The following RIMS1 variants were observed in gnomAD, a reference collection of about 807,000 sequenced individuals.
RIMS1 encodes regulating synaptic membrane exocytosis protein 1.
A neutral mutation model predicts 214.1 loss-of-function variants in RIMS1; 83 were observed. The observed-to-expected ratio is 0.39, with a 90% CI of 0.32 to 0.47. RIMS1 has a LOEUF of 0.47. RIMS1 is among the 20% of genes least tolerant of loss of function. The pLI, the probability that RIMS1 is intolerant of heterozygous loss-of-function variation, is 0.99. For synonymous variants in RIMS1, 793 were observed against 786.8 expected, an observed-to-expected ratio of 1.01 and a Z score of -0.13; for missense variants, 2,050 against 2,161.8, an observed-to-expected ratio of 0.95 and a Z score of 1.03.
intron 1 of RIMS1, among the ~76,000 whole-genome samples, chr6:71,896,007 T>C (rs570852758): frequency 8.5e-5 from 13 of 152,318 alleles, no homozygotes; most frequent in Non-Finnish European, 1.3e-4. Context: ...TATCTCTGTA[T>C]TGCAATATAT....
chr6:72,275,166 A>G (rs1173658619), intron 23 of RIMS1, among the ~76,000 whole-genome samples: 3 of 20,512 alleles, frequency 1.5e-4, no homozygotes, highest in African/African-American at 1.9e-4. Context: ...ATATATATAT[A>G]TATATATATA....
intron 4 of RIMS1, among the ~76,000 whole-genome samples, chr6:72,126,408 G>A (rs1350635624): frequency 6.6e-6 from 1 of 152,000 alleles, no homozygotes; most frequent in African/African-American, 2.4e-5. Flanking sequence ...AACAAAAACA[G>A]TAATGAATAA....
chr6:71,890,596 A>AAAAAAAAAAAAAAAAAAAAAAC (rs1554194854), intron 1 of RIMS1, among the ~76,000 whole-genome samples: 1 of 112,950 alleles, frequency 8.9e-6, no homozygotes, highest in Non-Finnish European at 1.8e-5. Flanking sequence ...AAAAAAAAAA[A>AAAAAAAAAAAAAAAAAAAAAAC]ACTTCATAGA....
chr6:72,099,710 TCTAA>T (rs2033054725), intron 3 of RIMS1, among the ~76,000 whole-genome samples: 1 of 152,130 alleles, frequency 6.6e-6, no homozygotes, highest in African/African-American at 2.4e-5. Flanking sequence ...TAATCCAAGT[TCTAA>T]AATATTAGGA....
intron 26 of RIMS1, among the ~76,000 whole-genome samples, chr6:72,292,671 A>G (rs1592252341): frequency 6.6e-6 from 1 of 152,136 alleles, no homozygotes; most frequent in African/African-American, 2.4e-5. Context: ...CCTGAGCTAG[A>G]TGATTTAGAC....
chr6:72,087,922 A>C (rs1835086278), intron 2 of RIMS1, among the ~76,000 whole-genome samples: 2 of 152,208 alleles, frequency 1.3e-5, no homozygotes, highest in African/African-American at 4.8e-5. Flanking sequence ...AGAATTGTGT[A>C]AGCTGAACCA....
chr6:71,989,836 T>C (rs963185147), intron 2 of RIMS1, among the ~76,000 whole-genome samples: 3 of 152,220 alleles, frequency 2.0e-5, no homozygotes, highest in Non-Finnish European at 2.9e-5. Flanking sequence ...GTCTTTGCTG[T>C]GTCCTGCATG....
chr6:72,163,780 T>G (rs185062007), intron 4 of RIMS1, among the ~76,000 whole-genome samples: 53 of 76,874 alleles, frequency 6.9e-4, no homozygotes, highest in Middle Eastern at 6.0e-3. Context: ...ATGTGAGGTG[T>G]CAATCTGCCC....
chr6:72,170,054 C>G (rs1352122641), intron 4 of RIMS1, among the ~76,000 whole-genome samples: 1 of 152,206 alleles, frequency 6.6e-6, no homozygotes, highest in Non-Finnish European at 1.5e-5. Flanking sequence ...ATATCTTATA[C>G]GACCTGAACC....
chr6:71,887,908 C>A (rs1768320876), intron 1 of RIMS1, among the ~76,000 whole-genome samples: 1 of 152,160 alleles, frequency 6.6e-6, no homozygotes, highest in South Asian at 2.1e-4. Context: ...GGGACTCTGG[C>A]CTGAATAACA....
chr6:72,200,802 G>C (rs1185720861), intron 6 of RIMS1, among the ~76,000 whole-genome samples: 1 of 151,460 alleles, frequency 6.6e-6, no homozygotes, highest in African/African-American at 2.4e-5. Flanking sequence ...GTGGACATTA[G>C]CCGTTTTAAT....
chr6:72,161,073 T>A lies in RIMS1; in HGVS notation c.472-18502T>A, dbSNP rs530347894. Among the ~76,000 whole-genome samples, 12 of 140,420 alleles carry A rather than the reference T, an allele frequency of 8.5e-5. 2 individuals are homozygous for A. The highest frequency in any genetic ancestry group is 2.4e-4 in the South Asian group (1 of 4,236). 92.1% of individuals were successfully genotyped at this position (140,420 alleles called of 152,430 possible). A position where few individuals can be genotyped will look rare whatever the true frequency, so the allele number is the denominator to read the frequency against. On this transcript the variant is annotated intron_variant, in intron 4 of 33. Coordinates refer to ENST00000521978, the MANE Select transcript of RIMS1 (RefSeq NM_014989.7). ...TTGCCTCAATTTCAGAAGCTGTTAT[T>A]GGTCTATTAAGAGATTCCACTTCTT... is the stretch of plus-strand genomic sequence containing the variant.
intron 29 of RIMS1, among the ~76,000 whole-genome samples, chr6:72,363,463 G>A (rs146815492): frequency 9.0e-4 from 137 of 152,234 alleles, no homozygotes; most frequent in Middle Eastern, 3.4e-3. Context: ...TTTCCTGTTT[G>A]GAGAATGGGG....
chr6:72,172,871 T>C (rs2153956867), intron 4 of RIMS1, among the ~76,000 whole-genome samples: 1 of 152,336 alleles, frequency 6.6e-6, no homozygotes, highest in African/African-American at 2.4e-5. Flanking sequence ...ATCCTCATTC[T>C]AGAGTCTCCA....
intron 2 of RIMS1, among the ~76,000 whole-genome samples, chr6:72,015,989 A>G (rs1812621194): frequency 6.6e-6 from 1 of 152,124 alleles, no homozygotes; most frequent in Admixed American, 6.6e-5. Context: ...AGAAAGTTCT[A>G]TTTTAGTTTA....
intron 22 of RIMS1, 34 bp from the exon 23 acceptor site, chr6:72,274,310 ATGTCC>A (rs1426282162): frequency 7.0e-7 from 1 of 1,422,456 alleles, no homozygotes; most frequent in Non-Finnish European, 9.9e-7. Context: ...GAGTTACTAA[ATGTCC>A]TGTTTTTTCC....
intron 29 of RIMS1, among the ~76,000 whole-genome samples, chr6:72,367,089 A>T (rs1386637349): frequency 1.3e-5 from 2 of 152,234 alleles, no homozygotes; most frequent in Admixed American, 1.3e-4. Context: ...TTAAAAAATG[A>T]TGTTGCAACA....
chr6:72,289,817 G>A (rs528509427), intron 24 of RIMS1, among the ~76,000 whole-genome samples: 1 of 151,840 alleles, frequency 6.6e-6, no homozygotes, highest in South Asian at 2.1e-4. Flanking sequence ...TATTCTTTCT[G>A]TCAAAATAAT....
intron 2 of RIMS1, among the ~76,000 whole-genome samples, chr6:72,029,334 T>G (rs530816017): frequency 3.3e-5 from 5 of 152,320 alleles, no homozygotes; most frequent in African/African-American, 1.2e-4. Context: ...TTTCTACATA[T>G]TATAGTCTGA....
Sources: gnomAD v4.1 joint callset for allele counts (sites outside exome capture counted in the v4.1 genomes callset) on GRCh38, gnomAD v4.1.1 for gene constraint, MANE v1.5 for transcripts, NCBI Gene and HGNC (gene_info 2026-07-23, HGNC 2026-07-21) for gene names.